The following SLC9A7 variants were observed in gnomAD, a reference collection of about 807,000 sequenced individuals.
SLC9A7 encodes the protein sodium/hydrogen exchanger 7.
Under a neutral mutation model 52.6 loss-of-function variants are expected in SLC9A7, and 19 were observed. The observed-to-expected ratio is 0.36, with a 90% confidence interval of 0.25 to 0.53. SLC9A7 has a LOEUF of 0.53. Ranked by LOEUF, SLC9A7 falls within the 20% of genes least tolerant of loss-of-function variation. The probability of loss-of-function intolerance (pLI) is 0.91; values close to 1 mark genes in which losing one functional copy is unlikely to be tolerated. For missense variants in SLC9A7, 455 were observed against 597.9 expected (o/e 0.76, Z 2.49); for synonymous variants, 226 against 252.1 (o/e 0.90, Z 0.98).
intron 16 of SLC9A7, among the ~76,000 whole-genome samples, chrX:46,611,531 G>A (rs753870139): frequency 1.3e-4 from 15 of 112,801 alleles, no homozygotes; most frequent in Non-Finnish European, 2.2e-4. Context: ...GCCACATTTG[G>A]TGAAATTTCC....
intron 1 of SLC9A7, among the ~76,000 whole-genome samples, chrX:46,722,304 T>C (rs1480939630): frequency 1.8e-5 from 2 of 112,309 alleles, no homozygotes; most frequent in East Asian, 2.8e-4. Context: ...CTTAATAAGG[T>C]AGAAATGCCT....
At chrX:46,635,247 G>A (rs984637134) in intron 13 of SLC9A7, among the ~76,000 whole-genome samples, 1 of 111,550 alleles carries the variant, frequency 9.0e-6, no homozygotes, top group Non-Finnish European at 1.9e-5. Flanking sequence ...ATCACAAGCA[G>A]GATTTTGTGG....
At chrX:46,687,217 A>T (rs1427299423) in intron 1 of SLC9A7, among the ~76,000 whole-genome samples, 1 of 111,876 alleles carries the variant, frequency 8.9e-6, no homozygotes, top group Non-Finnish European at 1.9e-5. Flanking sequence ...GTCTATGTTA[A>T]TAAGCCTTTG....
chrX:46,671,950 A>G (rs1944031336), intron 4 of SLC9A7, among the ~76,000 whole-genome samples: 1 of 112,178 alleles, frequency 8.9e-6, no homozygotes, highest in Non-Finnish European at 1.9e-5. Flanking sequence ...GGGGGGATGT[A>G]TCTACATAAA....
chrX:46,724,042 G>A (rs182923666), intron 1 of SLC9A7, among the ~76,000 whole-genome samples: 57 of 112,510 alleles, frequency 5.1e-4, no homozygotes, highest in Admixed American at 1.8e-3. Context: ...GTAGTGAGAA[G>A]AGATCACACC....
chrX:46,707,039 C>T (rs1414800389), intron 1 of SLC9A7, among the ~76,000 whole-genome samples: 1 of 111,622 alleles, frequency 9.0e-6, no homozygotes, highest in Non-Finnish European at 1.9e-5. Context: ...CCGCACCCAG[C>T]CTCAGGTAAA....
chrX:46,731,936 T>C (rs1457871832), intron 1 of SLC9A7, among the ~76,000 whole-genome samples: 3 of 111,900 alleles, frequency 2.7e-5, no homozygotes, highest in Non-Finnish European at 5.7e-5. Flanking sequence ...AAAATGACAC[T>C]GAGGGCTGGG....
At chrX:46,610,615 C>T (rs1040751554) in intron 16 of SLC9A7, among the ~76,000 whole-genome samples, 1 of 111,604 alleles carries the variant, frequency 9.0e-6, no homozygotes, top group Non-Finnish European at 1.9e-5. Context: ...AGGCAGGACC[C>T]CGGCTCAAAG....
In SLC9A7 at chrX:46,630,390, G is replaced by A. The variant is rs1430272390; in HGVS notation, c.1740+1196C>T. On this transcript the variant is annotated intron_variant, in intron 14 of 16. Coordinates refer to ENST00000616978, the MANE Select transcript of SLC9A7 (RefSeq NM_001257291.2). ...AGGGTTTCATGGACAACATACACAGGTGGTCAGTAAAGCTGCCTGTTGCAT... is the reference window on the plus strand; with the variant it reads ...AGGGTTTCATGGACAACATACACAGATGGTCAGTAAAGCTGCCTGTTGCAT... Among the ~76,000 whole-genome samples the A allele has an allele frequency of 3.1e-4, 35 of 112,153 alleles. No homozygotes were observed. The Admixed American group carries it at 3.3e-3, about 11-fold the overall frequency.
Position 46,606,571 on chromosome X carries a change from A to G in SLC9A7, c.*381T>C. On this transcript the variant is annotated 3_prime_UTR_variant, in exon 17 of 17. Coordinates refer to ENST00000616978, the MANE Select transcript of SLC9A7 (RefSeq NM_001257291.2). The stretch of plus-strand genomic sequence containing the variant: ...TAATTCTATGGTCAGCTTGACTTGC[A>G]CTGCTGTGTACTGAGATGCAGCCTC... The G allele has an allele frequency of 2.5e-6, 2 of 805,869 alleles. No homozygotes were observed. The highest frequency in any genetic ancestry group is 3.0e-6 in the Non-Finnish European group (2 of 672,281). 66.4% of individuals were successfully genotyped at this position (805,869 alleles called of 1,213,427 possible). A position where few individuals can be genotyped will look rare whatever the true frequency, so the allele number is the denominator to read the frequency against.
At chrX:46,633,121 G>A (rs1250918796) in intron 13 of SLC9A7, among the ~76,000 whole-genome samples, 3 of 107,459 alleles carry the variant, frequency 2.8e-5, no homozygotes, top group Admixed American at 2.0e-4. Context: ...TGGAAGTTCC[G>A]ACCTTCACGG....
chrX:46,757,912 T>C (rs1203130091), intron 1 of SLC9A7, among the ~76,000 whole-genome samples: 2 of 111,802 alleles, frequency 1.8e-5, no homozygotes, highest in Admixed American at 1.9e-4. Context: ...CAACAAAAGA[T>C]GGCTGACTCC....
At chrX:46,682,203 T>TTAAAGAAAGA in intron 2 of SLC9A7, 133 bp downstream of exon 2, 1 of 623,248 alleles carries the variant, frequency 1.6e-6, no homozygotes, top group Non-Finnish European at 2.5e-6. Context: ...CAAAAAGCTT[T>TTAAAGAAAGA]GTAACAAAAC....
chrX:46,628,262 A>G (rs1353717896), intron 14 of SLC9A7, among the ~76,000 whole-genome samples: 1 of 112,824 alleles, frequency 8.9e-6, no homozygotes, highest in African/African-American at 3.2e-5. Flanking sequence ...GTCTGGCATG[A>G]AAAGTCCCCT....
intron 1 of SLC9A7, among the ~76,000 whole-genome samples, chrX:46,735,088 A>G (rs983145841): frequency 1.3e-4 from 14 of 111,314 alleles, no homozygotes; most frequent in African/African-American, 4.6e-4. Context: ...TTTTTAATCC[A>G]ATCTGATGAT....
At chrX:46,688,597 CAAA>C (rs763251903) in intron 1 of SLC9A7, among the ~76,000 whole-genome samples, 4 of 35,584 alleles carry the variant, frequency 1.1e-4, no homozygotes, top group African/African-American at 9.1e-5. Context: ...AACTCCGCCT[CAAA>C]AAAAAAAAAA....
chrX:46,625,531 G>A (rs757529593), intron 14 of SLC9A7, among the ~76,000 whole-genome samples: 220 of 110,106 alleles, frequency 2.0e-3, no homozygotes, highest in African/African-American at 7.1e-3. Context: ...CCATCATGGC[G>A]AAACCCGGTC....
chrX:46,681,144 T>G (rs1342028002), intron 2 of SLC9A7, among the ~76,000 whole-genome samples: 1 of 112,666 alleles, frequency 8.9e-6, no homozygotes, highest in African/African-American at 3.2e-5. Flanking sequence ...ACCTTTGCTT[T>G]GTGCAGCAAA....
intron 1 of SLC9A7, among the ~76,000 whole-genome samples, chrX:46,723,731 A>G (rs1302134040): frequency 8.9e-6 from 1 of 112,147 alleles, no homozygotes; most frequent in Non-Finnish European, 1.9e-5. Context: ...GCTTCCTGGA[A>G]ACTGCCCATT....
Sources: allele counts gnomAD v4.1 joint callset (sites outside exome capture counted in the v4.1 genomes callset), GRCh38; gene constraint gnomAD v4.1.1; transcripts MANE v1.5; gene names NCBI Gene and HGNC (gene_info 2026-07-23, HGNC 2026-07-21).